IL17RE: variants seen among roughly 807,000 people sequenced by gnomAD.
The protein encoded by IL17RE is interleukin 17 receptor E.
In IL17RE, 47 loss-of-function variants were observed where a neutral mutation model predicts 70.7. That is an observed-to-expected ratio of 0.67 (90% CI 0.53 to 0.85). The LOEUF (loss-of-function observed/expected upper bound fraction) is 0.85. Ranked by LOEUF, IL17RE falls within the 40% of genes least tolerant of loss-of-function variation. IL17RE has a pLI of 0.00. For missense variants in IL17RE, 850 were observed against 893.9 expected (o/e 0.95, Z 0.63); for synonymous variants, 372 against 381.2 (o/e 0.98, Z 0.28).
upstream of IL17RE, among the ~76,000 whole-genome samples, chr3:9,902,192 G>A (rs2082657754): frequency 6.6e-6 from 1 of 152,076 alleles, no homozygotes; most frequent in Admixed American, 6.6e-5. Context: ...AGGTCAGTGT[G>A]TGGGGCCCGC....
In IL17RE at chr3:9,915,513, C is replaced by A; in HGVS notation, c.1710C>A (p.Pro570=). ...SGADLRPVSG[P]DPRAAPLLAL... is the part of the protein sequence containing the mutation. Reference sequence around the variant, plus strand: ...CCGACCTTCGCCCGGTCAGCGGCCCCGACCCCCGCGCCGCGCCCCTGCTCG... The same window carrying A: ...CCGACCTTCGCCCGGTCAGCGGCCCAGACCCCCGCGCCGCGCCCCTGCTCG... Residue 570 remains proline, a synonymous_variant, in exon 16 of 16, where the codon CCC becomes CCA. Coordinates refer to ENST00000383814, the MANE Select transcript of IL17RE (RefSeq NM_153480.2). The surrounding 1 kb of genome is among the most constrained non-coding windows in gnomAD (Gnocchi z 4.9). The A allele has an allele frequency of 7.6e-7, 1 of 1,317,264 alleles. No homozygotes were observed. The highest frequency in any genetic ancestry group is 9.6e-7 in the Non-Finnish European group (1 of 1,042,312). 81.6% of individuals were successfully genotyped at this position (1,317,264 alleles called of 1,614,324 possible).
intron 6 of IL17RE, among the ~76,000 whole-genome samples, chr3:9,907,985 C>A (rs1372270792): frequency 6.6e-6 from 1 of 152,196 alleles, no homozygotes; most frequent in African/African-American, 2.4e-5. Context: ...TCTACACTCC[C>A]TGGCATATAG....
At chr3:9,907,181 C>T in intron 6 of IL17RE, 81 bp downstream of exon 6, 6 of 1,557,806 alleles carry the variant, frequency 3.9e-6, no homozygotes, top group Non-Finnish European at 5.3e-6. Flanking sequence ...AATGAGGAAA[C>T]TGAGGCCCAG....
At position 9,908,276 on chromosome 3, in the gene IL17RE, A is replaced by C; in HGVS notation, c.704A>C (p.Tyr235Ser). Residue 235 changes from tyrosine to serine, a missense_variant, in exon 7 of 16, where the codon TAT becomes TCT. Transcript: ENST00000383814. ...GGGGGCCACACTGTAGAGCTGCCTT[A>C]TGAATTCCTTCTGCCCTGTCTGTGC... The part of the protein sequence containing the change: ...VSGGHTVELP[Y>S]EFLLPCLCIE... 1 of 1,614,218 alleles carries C rather than the reference A, an allele frequency of 6.2e-7. No individual in the cohort carries two copies. Among genetic ancestry groups the C allele is most frequent in the East Asian group, 2.2e-5 (1 of 44,894 alleles).
rs768399482 is a variant in IL17RE, at chr3:9,906,903, G to A, written c.526+38G>A. On this transcript the variant is annotated intron_variant, in intron 5 of 15. Transcript: ENST00000383814. ...TACAACAGGAGATGGGTTCAGCTGA[G>A]TGGTGGTACCAGTGCTAAGGCCAAG... 3.1e-6 allele frequency: 5 copies of A among 1,614,058 alleles called. No individual in the cohort carries two copies. The South Asian group carries it at 4.4e-5, about 14-fold the overall frequency.
intron 7 of IL17RE, among the ~76,000 whole-genome samples, chr3:9,908,954 G>A (rs172155): frequency 0.54 from 81,269 of 151,782 alleles, 22,461 homozygotes; most frequent in African/African-American, 0.6. Flanking sequence ...TGAGGAATGC[G>A]ACCTCAGGAT....
chr3:9,904,273 T>C, intron 3 of IL17RE, 122 bp downstream of exon 3: 2 of 1,093,254 alleles, frequency 1.8e-6, no homozygotes, highest in Non-Finnish European at 2.7e-6. Flanking sequence ...AACTGGGACT[T>C]GGATTATCCT....
chr3:9,916,041 G>A lies in IL17RE; in HGVS notation c.*234G>A, dbSNP rs2083057874. The A allele has an allele frequency of 3.3e-6, 2 of 604,606 alleles. No homozygotes were observed. Among genetic ancestry groups the A allele is most frequent in the Non-Finnish European group, 2.5e-6 (1 of 406,358 alleles). The allele number at this position is 604,606 out of a possible 1,614,324, so 37.5% of individuals were successfully genotyped here. ...GCTCCTCTAACCCCTGTTCTGATGGGGGAGGGCGGTCTTCCCACTTCCTCT... is the reference window on the plus strand; with the variant it reads ...GCTCCTCTAACCCCTGTTCTGATGGAGGAGGGCGGTCTTCCCACTTCCTCT... On this transcript the variant is annotated 3_prime_UTR_variant, in exon 16 of 16. Transcript: ENST00000383814.
upstream of IL17RE, among the ~76,000 whole-genome samples, chr3:9,902,212 T>C (rs926617327): frequency 6.6e-6 from 1 of 152,042 alleles, no homozygotes; most frequent in Non-Finnish European, 1.5e-5. Context: ...CTCCCTCTGC[T>C]CCAGGGCTCA....
chr3:9,902,714 G>T, upstream of IL17RE: 1 of 1,535,502 alleles, frequency 6.5e-7, no homozygotes, highest in Non-Finnish European at 8.7e-7. Flanking sequence ...TAGGGTTTTT[G>T]GGGGCACAAG....
At chr3:9,905,094 CAAAAAAAAAAAA>C (rs71626946) in intron 3 of IL17RE, among the ~76,000 whole-genome samples, 10 of 56,162 alleles carry the variant, frequency 1.8e-4, no homozygotes, top group Non-Finnish European at 2.8e-4. Flanking sequence ...GACCCTGTCT[CAAAAAAAAAAAA>C]AAAAAAAAAA....
rs1306059446 is a variant in IL17RE, at chr3:9,904,851, T to G, written c.268+700T>G. Among the ~76,000 whole-genome samples the G allele has an allele frequency of 2.0e-5, 3 of 152,102 alleles. No homozygotes were observed. The East Asian group carries it at 5.8e-4, about 29-fold the overall frequency. Reference sequence around the variant, plus strand: ...GTTCACACCTGTAATCCCAGCACTCTGGGAGGCCAAGGTGGGTGGATCGCT... The same window carrying G: ...GTTCACACCTGTAATCCCAGCACTCGGGGAGGCCAAGGTGGGTGGATCGCT... On this transcript the variant is annotated intron_variant, in intron 3 of 15. Transcript: ENST00000383814.
intron 8 of IL17RE, 110 bp from the exon 9 acceptor site, chr3:9,910,755 A>T: frequency 1.2e-6 from 1 of 845,464 alleles, no homozygotes; most frequent in Non-Finnish European, 1.9e-6. Flanking sequence ...GGCCAGGAAT[A>T]GTGCTGGTTA....
Position 9,909,239 on chromosome 3 carries a change from C to G in IL17RE, c.758C>G (p.Thr253Ser), listed in dbSNP as rs771706418. The G allele has an allele frequency of 8.1e-6, 13 of 1,613,964 alleles. No homozygotes were observed. The South Asian group carries it at 1.3e-4, about 16-fold the overall frequency. The change falls in exon 8 of 16, where the codon ACT (threonine) becomes AGT (serine). Residue 253 changes from threonine (T) to serine (S), a missense_variant. Transcript: ENST00000383814. ...CIEASYLQED[T>S]VRRKKCPFQS... ...CAGGCATCCTACCTGCAAGAGGACA[C>G]TGTGAGGCGCAAAAAATGTCCCTTC...
In IL17RE at chr3:9,911,177, A is replaced by G. The variant is rs2082883141; in HGVS notation, c.1026+3A>G. ...TGCACCCCCAGCTCTGCTTCAAGGT[A>G]CAACCATGGGTAAGAAAAGATGTGG... On this transcript the variant is annotated splice_donor_region_variant and intron_variant, in intron 10 of 15. Coordinates refer to ENST00000383814, the MANE Select transcript of IL17RE (RefSeq NM_153480.2). 1.2e-6 allele frequency: 2 copies of G among 1,614,084 alleles called. No homozygotes were observed. Among genetic ancestry groups the G allele is most frequent in the Non-Finnish European group, 1.7e-6 (2 of 1,180,028 alleles).
chr3:9,915,323 C>T lies in IL17RE; in HGVS notation c.1520C>T (p.Ala507Val). ...GAGGCGCAGCGGCGCCTGGTGGGAGCGCTGGCTGAACTGCTACGGGCAGCG... is the reference window on the plus strand; with the variant it reads ...GAGGCGCAGCGGCGCCTGGTGGGAGTGCTGGCTGAACTGCTACGGGCAGCG... Reference protein sequence around the residue: ...DSEAQRRLVGALAELLRAALG... With the variant: ...DSEAQRRLVGVLAELLRAALG... The change falls in exon 16 of 16, where the codon GCG (alanine) becomes GTG (valine). Residue 507 changes from alanine to valine, a missense_variant. Transcript: ENST00000383814. This position sits in a 1 kb window ranked among gnomAD's most constrained non-coding sequence, Gnocchi z 4.9. 1 of 1,393,570 alleles carries T rather than the reference C, an allele frequency of 7.2e-7. No individual in the cohort carries two copies. The highest frequency in any genetic ancestry group is 9.2e-7 in the Non-Finnish European group (1 of 1,081,762). The allele number at this position is 1,393,570 out of a possible 1,614,324, so 86.3% of individuals were successfully genotyped here.
In IL17RE at chr3:9,909,300, C is replaced by T. The variant is rs201328206; in HGVS notation, c.802+17C>T. Reference sequence around the variant, plus strand: ...CAGAAGCCTGTGAGTGCTGTTGACACGCACCCTTGTGCACACACATCCCCT... The same window carrying T: ...CAGAAGCCTGTGAGTGCTGTTGACATGCACCCTTGTGCACACACATCCCCT... On this transcript the variant is annotated intron_variant, in intron 8 of 15. Coordinates refer to ENST00000383814, the MANE Select transcript of IL17RE (RefSeq NM_153480.2). 2,791 of 1,608,938 alleles carry T rather than the reference C, an allele frequency of 1.7e-3. 5 individuals are homozygous for T. The highest frequency in any genetic ancestry group is 2.1e-3 in the Non-Finnish European group (2,428 of 1,175,728).
chr3:9,906,866 G>T lies in IL17RE; in HGVS notation c.526+1G>T. On this transcript the variant is annotated splice_donor_variant, in intron 5 of 15. Transcript: ENST00000383814. LOFTEE classifies it high-confidence loss of function. ...AGATTGGACTCACAAAGGCATGGAGGTGGGCACTGGGTACAACAGGAGATG... is the reference window on the plus strand; with the variant it reads ...AGATTGGACTCACAAAGGCATGGAGTTGGGCACTGGGTACAACAGGAGATG... 6.2e-7 allele frequency: 1 copy of T among 1,614,204 alleles called. No individual in the cohort carries two copies. Among genetic ancestry groups the T allele is most frequent in the East Asian group, 2.2e-5 (1 of 44,886 alleles).
rs1247589620 is a variant in IL17RE at position 9,915,363 on chromosome 3, C to T, written c.1560C>T (p.Arg520=). The change falls in exon 16 of 16, where the codon CGC becomes CGT. Residue 520 remains arginine, a synonymous_variant. Transcript: ENST00000383814. The surrounding 1 kb of genome is among the most constrained non-coding windows in gnomAD (Gnocchi z 4.9). ...TACGGGCAGCGCTGGGCGGCGGGCG[C>T]GACGTGATCGTGGACCTGTGGGAGG... ...ELLRAALGGG[R]DVIVDLWEGR... The T allele has an allele frequency of 7.3e-7, 1 of 1,364,028 alleles. No individual in the cohort carries two copies. Among genetic ancestry groups the T allele is most frequent in the Admixed American group, 3.9e-5 (1 of 25,928 alleles). The allele number at this position is 1,364,028 out of a possible 1,614,324, so 84.5% of individuals were successfully genotyped here. A position where few individuals can be genotyped will look rare whatever the true frequency, so the allele number is the denominator to read the frequency against.
Sources: allele counts gnomAD v4.1 joint callset (sites outside exome capture counted in the v4.1 genomes callset), GRCh38; gene constraint gnomAD v4.1.1; non-coding constraint Gnocchi (gnomAD v3.1); transcripts MANE v1.5; gene names NCBI Gene and HGNC (gene_info 2026-07-23, HGNC 2026-07-21).